The following NAALADL2 variants were observed in gnomAD, a reference collection of about 807,000 sequenced individuals.
NAALADL2 encodes inactive N-acetylated-alpha-linked acidic dipeptidase-like protein 2.
In NAALADL2, 76 loss-of-function variants were observed where a neutral mutation model predicts 87.2. The ratio of observed to expected loss-of-function variants is 0.87; its 90% CI spans 0.72 to 1.05. The LOEUF (loss-of-function observed/expected upper bound fraction) is 1.05. Among genes scored for constraint, NAALADL2 ranks in the 50% least tolerant of loss-of-function variants. NAALADL2 has a pLI of 0.00. For missense variants in NAALADL2, 1,089 were observed against 945.8 expected (o/e 1.15, Z -1.99); for synonymous variants, 354 against 331.0 (o/e 1.07, Z -0.75).
intron 2 of NAALADL2, among the ~76,000 whole-genome samples, chr3:174,612,503 T>C (rs550024793): frequency 6.6e-6 from 1 of 152,216 alleles, no homozygotes; most frequent in African/African-American, 2.4e-5. Context: ...TTGTCTTCTC[T>C]GTGTATTTCC....
At chr3:174,740,002 A>G (rs1368014537) in intron 3 of NAALADL2, among the ~76,000 whole-genome samples, 1 of 152,068 alleles carries the variant, frequency 6.6e-6, no homozygotes, top group African/African-American at 2.4e-5. Context: ...GTATCTTATT[A>G]CCTTGTTTTA....
At chr3:175,191,325 A>G (rs1738171426) in intron 2 of NAALADL2, among the ~76,000 whole-genome samples, 1 of 152,346 alleles carries the variant, frequency 6.6e-6, no homozygotes, top group Non-Finnish European at 1.5e-5. Context: ...AAAACTGAAT[A>G]TAGTCAAGTA....
intron 9 of NAALADL2, among the ~76,000 whole-genome samples, chr3:175,514,746 C>T (rs1731617338): frequency 1.3e-5 from 2 of 152,090 alleles, no homozygotes; most frequent in African/African-American, 4.8e-5. Flanking sequence ...AAGAGGCACA[C>T]TAGAGGCAAA....
At chr3:175,302,848 ATGTGTG>A (rs139809783) in intron 4 of NAALADL2, among the ~76,000 whole-genome samples, 35 of 148,910 alleles carry the variant, frequency 2.4e-4, no homozygotes, top group South Asian at 4.2e-4. Context: ...ATGTGTGTGT[ATGTGTG>A]TGTGTGTGTG....
chr3:174,614,140 G>C (rs1161943634), intron 2 of NAALADL2, among the ~76,000 whole-genome samples: 3 of 152,154 alleles, frequency 2.0e-5, no homozygotes, highest in Admixed American at 2.0e-4. Flanking sequence ...GAGCAGTTCA[G>C]CCTTGGGTTT....
chr3:175,035,879 C>T (rs1753347201), intron 1 of NAALADL2, among the ~76,000 whole-genome samples: 1 of 152,128 alleles, frequency 6.6e-6, no homozygotes, highest in Non-Finnish European at 1.5e-5. Context: ...ATCTGAGTTA[C>T]ACCCGATATG....
intron 2 of NAALADL2, among the ~76,000 whole-genome samples, chr3:174,659,845 A>G (rs528497871): frequency 1.3e-5 from 2 of 152,134 alleles, no homozygotes; most frequent in South Asian, 4.1e-4. Flanking sequence ...CCCACCCTCT[A>G]AGACCCAGAA....
chr3:174,677,732 G>A (rs1414054221), intron 2 of NAALADL2, among the ~76,000 whole-genome samples: 2 of 151,958 alleles, frequency 1.3e-5, no homozygotes, highest in African/African-American at 4.8e-5. Flanking sequence ...ACTCATGGTC[G>A]ATAGCATTGT....
At chr3:175,697,791 G>GTA (rs533790840) in intron 11 of NAALADL2, among the ~76,000 whole-genome samples, 1 of 141,806 alleles carries the variant, frequency 7.1e-6, no homozygotes, top group African/African-American at 2.6e-5. Context: ...ATATGTGTGT[G>GTA]TATATATGTA....
At chr3:174,839,901 T>C (rs552976709) in intron 3 of NAALADL2, among the ~76,000 whole-genome samples, 10 of 152,148 alleles carry the variant, frequency 6.6e-5, no homozygotes, top group Admixed American at 1.3e-4. Context: ...ACAGTGATGG[T>C]AGGAATGTAA....
At chr3:175,380,294 G>A (rs1767644287) in intron 5 of NAALADL2, among the ~76,000 whole-genome samples, 1 of 151,956 alleles carries the variant, frequency 6.6e-6, no homozygotes, top group Non-Finnish European at 1.5e-5. Flanking sequence ...ACCCCACAAG[G>A]TTGCCCTAGA....
intron 2 of NAALADL2, among the ~76,000 whole-genome samples, chr3:175,139,448 G>A (rs933762488): frequency 2.0e-5 from 3 of 151,936 alleles, no homozygotes; most frequent in Non-Finnish European, 4.4e-5. Flanking sequence ...TATCATATAA[G>A]AATAAGGGAC....
intron 4 of NAALADL2, among the ~76,000 whole-genome samples, chr3:175,272,577 A>G (rs535867460): frequency 1.7e-4 from 26 of 152,318 alleles, no homozygotes; most frequent in African/African-American, 5.8e-4. Context: ...AACCGGCTAC[A>G]TTTGACATCA....
At chr3:175,595,944 G>A (rs1360415241) in intron 10 of NAALADL2, among the ~76,000 whole-genome samples, 6 of 151,750 alleles carry the variant, frequency 4.0e-5, no homozygotes, top group South Asian at 2.1e-4. Flanking sequence ...GAAATCCTAA[G>A]TTATTCTTCT....
At chr3:175,583,496 A>AAC (rs986049504) in intron 10 of NAALADL2, among the ~76,000 whole-genome samples, 2 of 145,100 alleles carry the variant, frequency 1.4e-5, no homozygotes, top group Non-Finnish European at 2.9e-5. Flanking sequence ...GCTGCAAAAA[A>AAC]AAAAAAAAAA....
intron 4 of NAALADL2, among the ~76,000 whole-genome samples, chr3:175,271,351 A>G (rs1752802723): frequency 6.6e-6 from 1 of 152,228 alleles, no homozygotes; most frequent in South Asian, 2.1e-4. Context: ...GGATTAGGAA[A>G]ACGTGAATTA....
At chr3:174,784,820 C>T (rs578131292) in intron 3 of NAALADL2, among the ~76,000 whole-genome samples, 3 of 152,204 alleles carry the variant, frequency 2.0e-5, no homozygotes, top group African/African-American at 7.2e-5. Context: ...TTGTCATGAA[C>T]CTTATTGTAT....
intron 2 of NAALADL2, among the ~76,000 whole-genome samples, chr3:175,169,900 A>T (rs756681118): frequency 6.6e-6 from 1 of 151,734 alleles, no homozygotes. Context: ...ATCGTTTTAA[A>T]CTCACTGGTT....
At chr3:174,955,486 C>G (rs932893842) in intron 1 of NAALADL2, among the ~76,000 whole-genome samples, 1 of 151,984 alleles carries the variant, frequency 6.6e-6, no homozygotes. Flanking sequence ...ACTTAATGAT[C>G]AGCTAATAAG....
Sources: gnomAD v4.1 joint callset for allele counts (sites outside exome capture counted in the v4.1 genomes callset) on GRCh38, gnomAD v4.1.1 for gene constraint, MANE v1.5 for transcripts, NCBI Gene and HGNC (gene_info 2026-07-23, HGNC 2026-07-21) for gene names.